Variants in CABIN1 observed in about 807,000 individuals in gnomAD.
CABIN1 encodes the protein calcineurin-binding protein cabin-1.
A neutral mutation model predicts 227.7 loss-of-function variants in CABIN1; 133 were observed. The ratio of observed to expected loss-of-function variants is 0.58; its 90% CI spans 0.51 to 0.67. The LOEUF is 0.67. Among genes scored for constraint, CABIN1 ranks in the 30% least tolerant of loss-of-function variants. The pLI, the probability that CABIN1 is intolerant of heterozygous loss-of-function variation, is 0.00. For synonymous variants in CABIN1, 1,086 were observed against 1,155.1 expected (o/e 0.94, Z 1.21); for missense variants, 2,408 against 2,852.5 (o/e 0.84, Z 3.55).
chr22:24,084,765 A>T lies in CABIN1; in HGVS notation c.3097A>T (p.Ile1033Phe). The change falls in exon 21 of 37, where the codon ATT becomes TTT. Residue 1033 changes from isoleucine (I) to phenylalanine (F), a missense_variant. By Grantham distance (21) the Ile-to-Phe change is conservative. Transcript: ENST00000263119. ...TAGCCTGGACAAAGTCTCTGCCTACATTGAGGGAACTTCAACTGAGGTGGG... is the reference window on the plus strand; with the variant it reads ...TAGCCTGGACAAAGTCTCTGCCTACTTTGAGGGAACTTCAACTGAGGTGGG... ...ALSLDKVSAY[I>F]EGTSTEVPCL... 1 of 1,614,188 alleles carries T rather than the reference A, an allele frequency of 6.2e-7. No individual in the cohort carries two copies. Among genetic ancestry groups the T allele is most frequent in the Non-Finnish European group, 8.5e-7 (1 of 1,180,030 alleles).
intron 27 of CABIN1, 127 bp from the exon 28 acceptor site, chr22:24,119,240 C>G: frequency 1.2e-6 from 1 of 842,820 alleles, no homozygotes; most frequent in South Asian, 1.4e-5. Flanking sequence ...CCAGCATCCA[C>G]TCAGCAAGGG....
intron 28 of CABIN1, among the ~76,000 whole-genome samples, chr22:24,131,864 G>A (rs891086684): frequency 6.6e-6 from 1 of 152,086 alleles, no homozygotes; most frequent in Non-Finnish European, 1.5e-5. Flanking sequence ...TCAGGAGTTC[G>A]AGACCAGCCT....
At chr22:24,111,596 A>G (rs1281909736) in intron 26 of CABIN1, among the ~76,000 whole-genome samples, 1 of 152,222 alleles carries the variant, frequency 6.6e-6, no homozygotes, top group Admixed American at 6.5e-5. Flanking sequence ...CTGGTGCCAA[A>G]AAGGTTGGGG....
intron 29 of CABIN1, chr22:24,156,448 C>G (rs1449406111): frequency 4.9e-6 from 1 of 205,816 alleles, no homozygotes; most frequent in Non-Finnish European, 9.6e-6. Flanking sequence ...CGCATCCAGC[C>G]CTACCAAGCC....
chr22:24,111,441 G>A lies in CABIN1; in HGVS notation c.4118-2125G>A, dbSNP rs191823240. The stretch of plus-strand genomic sequence containing the variant: ...GGCATCCTTAGATTCTTATAGGAGC[G>A]TGAACCCTATTGTGAACTGCACATG... On this transcript the variant is annotated intron_variant, in intron 26 of 36. Transcript: ENST00000263119. 1.2e-4 allele frequency among the ~76,000 whole-genome samples: 19 copies of A among 152,248 alleles called. No individual in the cohort carries two copies. In the East Asian group the frequency reaches 2.5e-3, roughly 20 times the overall value.
chr22:24,101,488 C>T (rs1471053704), intron 26 of CABIN1, among the ~76,000 whole-genome samples: 2 of 152,170 alleles, frequency 1.3e-5, no homozygotes, highest in African/African-American at 4.8e-5. Context: ...CTGACTCTAC[C>T]GCAGCCTGGT....
Position 24,043,037 on chromosome 22 carries a change from G to A in CABIN1, c.479G>A (p.Cys160Tyr), listed in dbSNP as rs1157905374. ...GLRCNPDHWP[C>Y]LDNLITVLYT... ...CGGTGCAATCCTGACCACTGGCCCTGTTTGGATAACCTAATCACTGTCCTG... is the reference window on the plus strand; with the variant it reads ...CGGTGCAATCCTGACCACTGGCCCTATTTGGATAACCTAATCACTGTCCTG... The change falls in exon 6 of 37, where the codon TGT (cysteine) becomes TAT (tyrosine). Residue 160 changes from cysteine to tyrosine, a missense_variant. Around this residue, in one of 3 missense-constraint regions of CABIN1, gnomAD observed 1,045 missense variants for 1,168.4 expected, o/e 0.89. Coordinates refer to ENST00000263119, the MANE Select transcript of CABIN1 (RefSeq NM_012295.4). 1 of 1,613,922 alleles carries A rather than the reference G, an allele frequency of 6.2e-7. No homozygotes were observed. Among genetic ancestry groups the A allele is most frequent in the African/African-American group, 1.3e-5 (1 of 74,858 alleles).
intron 4 of CABIN1, among the ~76,000 whole-genome samples, chr22:24,038,935 C>T (rs775916609): frequency 9.2e-5 from 14 of 152,174 alleles, no homozygotes; most frequent in Admixed American, 2.0e-4. Context: ...TCTGTATAGA[C>T]ATGCCATGCA....
intron 26 of CABIN1, among the ~76,000 whole-genome samples, chr22:24,110,103 A>G (rs1345278445): frequency 2.6e-5 from 4 of 152,196 alleles, no homozygotes; most frequent in African/African-American, 9.7e-5. Context: ...CCTGGGAGGT[A>G]GAGGTTGCAG....
At chr22:24,038,283 C>A in intron 3 of CABIN1, 65 bp from the exon 4 acceptor site, 1 of 1,305,266 alleles carries the variant, frequency 7.7e-7, no homozygotes, top group Non-Finnish European at 1.1e-6. Flanking sequence ...GCCTTACACA[C>A]ATTTTTGGCT....
At chr22:24,013,603 A>G (rs2035011719) in intron 1 of CABIN1, among the ~76,000 whole-genome samples, 1 of 152,352 alleles carries the variant, frequency 6.6e-6, no homozygotes, top group South Asian at 2.1e-4. Context: ...AACATCTTAC[A>G]TAATCATACA....
At chr22:24,149,189 T>C (rs1011562484) in intron 29 of CABIN1, among the ~76,000 whole-genome samples, 3 of 152,176 alleles carry the variant, frequency 2.0e-5, no homozygotes, top group African/African-American at 7.2e-5. Context: ...ATGGGTGTCC[T>C]ATACCCACCT....
At chr22:24,064,325 C>T in intron 15 of CABIN1, 138 bp downstream of exon 15, 1 of 946,452 alleles carries the variant, frequency 1.1e-6, no homozygotes, top group Middle Eastern at 3.1e-4. Flanking sequence ...CCTGCCTCAG[C>T]CTCCTGAGTA....
At chr22:24,083,475 T>C (rs757256253) in intron 20 of CABIN1, 86 bp downstream of exon 20, 47 of 1,449,592 alleles carry the variant, frequency 3.2e-5, no homozygotes, top group Non-Finnish European at 4.3e-5. Context: ...AACAGTCATC[T>C]TGGCAGTCCT....
intron 29 of CABIN1, among the ~76,000 whole-genome samples, chr22:24,157,907 C>T (rs941282584): frequency 5.9e-4 from 90 of 152,288 alleles, no homozygotes; most frequent in Admixed American, 5.8e-3. Context: ...TGCTGAGAGG[C>T]TCCATCGCTC....
At chr22:24,035,126 T>C (rs1569098315) in intron 1 of CABIN1, among the ~76,000 whole-genome samples, 1 of 152,230 alleles carries the variant, frequency 6.6e-6, no homozygotes, top group Admixed American at 6.5e-5. Flanking sequence ...AGATGTTGCC[T>C]GTGTTTCTTT....
intron 9 of CABIN1, 70 bp downstream of exon 9, chr22:24,055,229 T>C (rs570506222): frequency 5.8e-6 from 9 of 1,543,628 alleles, no homozygotes; most frequent in South Asian, 1.1e-5. Flanking sequence ...ATGAGACTGC[T>C]GGGGAGCCCT....
At chr22:24,063,330 A>G (rs1265555042) in intron 14 of CABIN1, among the ~76,000 whole-genome samples, 184 bp downstream of exon 14, 1 of 152,130 alleles carries the variant, frequency 6.6e-6, no homozygotes, top group African/African-American at 2.4e-5. Context: ...ACAGTGGGGA[A>G]TTCTCAGCAT....
intron 15 of CABIN1, among the ~76,000 whole-genome samples, chr22:24,065,857 A>C (rs2039628168): frequency 6.6e-6 from 1 of 152,252 alleles, no homozygotes; most frequent in African/African-American, 2.4e-5. Flanking sequence ...TATGAAAACC[A>C]GTCAGGCGTG....
Sources: gnomAD v4.1 joint callset for allele counts (sites outside exome capture counted in the v4.1 genomes callset) on GRCh38, gnomAD v4.1.1 for gene constraint, gnomAD v4.1.1 regional missense constraint, MANE v1.5 for transcripts, NCBI Gene and HGNC (gene_info 2026-07-23, HGNC 2026-07-21) for gene names.